Variants in CEP128 observed in about 807,000 individuals in gnomAD.
CEP128 encodes the protein centrosomal protein 128.
In CEP128, 132 loss-of-function variants were observed where a neutral mutation model predicts 156.7. That is an observed-to-expected ratio of 0.84 (90% CI 0.73 to 0.97). The LOEUF is 0.97. CEP128 is among the 50% of genes least tolerant of loss of function. The probability of loss-of-function intolerance (pLI) is 0.00; values close to 1 mark genes in which losing one functional copy is unlikely to be tolerated. For synonymous variants in CEP128, 469 were observed against 448.9 expected (o/e 1.04, Z -0.57); for missense variants, 1,252 against 1,281.9 (o/e 0.98, Z 0.36).
At chr14:80,852,542 G>A (rs2140122913) in intron 9 of CEP128, among the ~76,000 whole-genome samples, 1 of 151,670 alleles carries the variant, frequency 6.6e-6, no homozygotes, top group Non-Finnish European at 1.5e-5. Flanking sequence ...AGTTAATGAA[G>A]CAATAAACAA....
At position 80,895,772 on chromosome 14, in the gene CEP128, T is replaced by C; in HGVS notation, c.591A>G (p.Lys197=). The part of the protein sequence containing the change: ...SRRSRSDAET[K]RALEELTEKL... Reference sequence around the variant, plus strand: ...TTTCAGTCAATTCTTCCAAAGCCCTTTTTGTTTCGGCATCTGACCTAGGAA... The same window carrying C: ...TTTCAGTCAATTCTTCCAAAGCCCTCTTTGTTTCGGCATCTGACCTAGGAA... Residue 197 remains lysine (K), a synonymous_variant, in exon 8 of 25, where the codon AAA becomes AAG. Transcript: ENST00000555265. 1 of 1,561,304 alleles carries C rather than the reference T, an allele frequency of 6.4e-7. No homozygotes were observed. The highest frequency in any genetic ancestry group is 8.7e-7 in the Non-Finnish European group (1 of 1,153,768).
At chr14:80,563,522 A>ATTTTTTTTTTTTT (rs1595010139) in intron 20 of CEP128, among the ~76,000 whole-genome samples, 2 of 107,170 alleles carry the variant, frequency 1.9e-5, no homozygotes, top group African/African-American at 7.9e-5. Context: ...GGGCCTCCAA[A>ATTTTTTTTTTTTT]TCTTTTTTTT....
At chr14:80,584,182 C>T (rs994326584) in intron 19 of CEP128, among the ~76,000 whole-genome samples, 3 of 136,510 alleles carry the variant, frequency 2.2e-5, no homozygotes, top group Non-Finnish European at 3.0e-5. Context: ...GCGTCTCATC[C>T]GATGCCCAGA....
intron 19 of CEP128, among the ~76,000 whole-genome samples, chr14:80,663,317 A>C (rs985210410): frequency 2.0e-5 from 3 of 152,308 alleles, no homozygotes; most frequent in South Asian, 2.1e-4. Context: ...AATAGGATGG[A>C]GGCTAATGTC....
At chr14:80,803,676 T>A (rs552800635) in intron 13 of CEP128, among the ~76,000 whole-genome samples, 2 of 152,220 alleles carry the variant, frequency 1.3e-5, no homozygotes, top group East Asian at 3.9e-4. Context: ...CACTCCCAAA[T>A]ATTCACAAGT....
chr14:80,639,575 C>G (rs907661075), intron 19 of CEP128, among the ~76,000 whole-genome samples: 1 of 151,998 alleles, frequency 6.6e-6, no homozygotes, highest in Non-Finnish European at 1.5e-5. Context: ...TTGTTAGATC[C>G]CTTATAATGA....
At chr14:80,839,920 T>C (rs1480339052) in intron 10 of CEP128, among the ~76,000 whole-genome samples, 1 of 152,164 alleles carries the variant, frequency 6.6e-6, no homozygotes, top group African/African-American at 2.4e-5. Flanking sequence ...AAAGCCCATA[T>C]TGATCATAAT....
chr14:80,836,115 T>G, intron 12 of CEP128, 90 bp downstream of exon 12: 2 of 1,191,870 alleles, frequency 1.7e-6, no homozygotes, highest in Non-Finnish European at 2.4e-6. Flanking sequence ...CACAAAGGAA[T>G]GCAATTCTGA....
chr14:80,634,511 T>G (rs1256037345), intron 19 of CEP128, among the ~76,000 whole-genome samples: 1 of 152,220 alleles, frequency 6.6e-6, no homozygotes, highest in Non-Finnish European at 1.5e-5. Flanking sequence ...TTTGAATATA[T>G]TTTTCAATAT....
chr14:80,905,580 A>G (rs1883840560), intron 5 of CEP128: 1 of 174,576 alleles, frequency 5.7e-6, no homozygotes, highest in African/African-American at 2.4e-5. Flanking sequence ...CCTGGTCTTA[A>G]CAAGCATCAC....
intron 19 of CEP128, among the ~76,000 whole-genome samples, chr14:80,737,263 G>C (rs1566886153): frequency 6.6e-6 from 1 of 152,022 alleles, no homozygotes; most frequent in Non-Finnish European, 1.5e-5. Flanking sequence ...AATTAGCCAG[G>C]CGTGGTGGCA....
intron 13 of CEP128, among the ~76,000 whole-genome samples, chr14:80,823,837 G>A (rs1052304847): frequency 6.6e-6 from 1 of 152,240 alleles, no homozygotes; most frequent in African/African-American, 2.4e-5. Flanking sequence ...TCTGGAGGAA[G>A]TGGTCCTCTT....
At chr14:80,711,872 A>G (rs1167851671) in intron 19 of CEP128, among the ~76,000 whole-genome samples, 1 of 152,110 alleles carries the variant, frequency 6.6e-6, no homozygotes, top group African/African-American at 2.4e-5. Flanking sequence ...TAAATTAAAA[A>G]GAATGTAAAA....
intron 19 of CEP128, among the ~76,000 whole-genome samples, chr14:80,649,589 G>A (rs1168238565): frequency 6.6e-6 from 1 of 152,066 alleles, no homozygotes; most frequent in Non-Finnish European, 1.5e-5. Flanking sequence ...ACAGCTGATT[G>A]ATTCTATTGC....
At chr14:80,952,918 T>C (rs567770688) in intron 2 of CEP128, among the ~76,000 whole-genome samples, 39 of 152,212 alleles carry the variant, frequency 2.6e-4, no homozygotes, top group Non-Finnish European at 5.6e-4. Flanking sequence ...CAATTCATTA[T>C]ATGACACAAA....
chr14:80,887,597 C>T (rs1050306510), intron 8 of CEP128, among the ~76,000 whole-genome samples: 18 of 152,102 alleles, frequency 1.2e-4, no homozygotes, highest in East Asian at 5.8e-4. Flanking sequence ...AAAGACACAA[C>T]GTACCAGAAT....
chr14:80,640,875 T>G lies in CEP128; in HGVS notation c.2807-60452A>C, dbSNP rs531035364. Among the ~76,000 whole-genome samples the G allele has an allele frequency of 1.1e-4, 16 of 152,346 alleles. 1 individual carries two copies. The East Asian group carries it at 3.1e-3, about 29-fold the overall frequency. On this transcript the variant is annotated intron_variant, in intron 19 of 24. Coordinates refer to ENST00000555265, the MANE Select transcript of CEP128 (RefSeq NM_152446.5). ...ACAGCATCTAAATCTAAACTTGTTA[T>G]TGTCTTCTATTTTCCCAGAGATTGA...
intron 19 of CEP128, among the ~76,000 whole-genome samples, chr14:80,620,521 ATT>A: frequency 1.3e-5 from 2 of 152,346 alleles, no homozygotes; most frequent in Non-Finnish European, 2.9e-5. Flanking sequence ...TTGTAAAGGA[ATT>A]AGAATTTGGC....
At chr14:80,829,763 A>G (rs139607620) in intron 13 of CEP128, among the ~76,000 whole-genome samples, 207 of 152,350 alleles carry the variant, frequency 1.4e-3, no homozygotes, top group African/African-American at 4.8e-3. Flanking sequence ...AACTAACCCA[A>G]GAGGACTCAA....
Sources: allele counts gnomAD v4.1 joint callset (sites outside exome capture counted in the v4.1 genomes callset), GRCh38; gene constraint gnomAD v4.1.1; transcripts MANE v1.5; gene names NCBI Gene and HGNC (gene_info 2026-07-23, HGNC 2026-07-21).